Variants in MRPS25 observed in about 807,000 individuals in gnomAD.
MRPS25 encodes small ribosomal subunit protein mS25.
A neutral mutation model predicts 17.3 loss-of-function variants in MRPS25; 15 were observed. The ratio of observed to expected loss-of-function variants is 0.87; its 90% confidence interval spans 0.58 to 1.34. MRPS25 has a LOEUF of 1.34. MRPS25 is among the 40% of genes most tolerant of loss of function. The pLI is 0.00. For missense variants in MRPS25, 225 were observed against 218.6 expected, an observed-to-expected ratio of 1.03 and a Z score of -0.19; for synonymous variants, 94 against 83.3, an observed-to-expected ratio of 1.13 and a Z score of -0.70.
chr3:15,043,085 T>G, downstream of MRPS25: 2 of 1,407,084 alleles, frequency 1.4e-6, no homozygotes, highest in Non-Finnish European at 1.9e-6. Flanking sequence ...AGTGGTATTT[T>G]GGTATGTGCA....
intron 1 of MRPS25, among the ~76,000 whole-genome samples, chr3:15,064,431 T>C (rs1256049503): frequency 2.6e-5 from 4 of 152,094 alleles, no homozygotes; most frequent in African/African-American, 9.7e-5. Context: ...CTGACATAAT[T>C]AATCACTTCC....
At chr3:15,058,638 G>T (rs2042703494) in intron 2 of MRPS25, among the ~76,000 whole-genome samples, 1 of 152,186 alleles carries the variant, frequency 6.6e-6, no homozygotes, top group Non-Finnish European at 1.5e-5. Context: ...CATATTGGTG[G>T]AATGAATGAA....
chr3:15,058,337 C>T (rs1450880703), intron 2 of MRPS25, among the ~76,000 whole-genome samples: 1 of 152,146 alleles, frequency 6.6e-6, no homozygotes, highest in East Asian at 1.9e-4. Flanking sequence ...CTACAGGCGC[C>T]CACCACCACG....
Position 15,052,408 on chromosome 3 carries a change from C to A in MRPS25, c.*33G>T. On this transcript the variant is annotated 3_prime_UTR_variant, in exon 4 of 4. Coordinates refer to ENST00000253686, the MANE Select transcript of MRPS25 (RefSeq NM_022497.5). ...CATTCCAATCTCCCCACTGGTCAGA[C>A]ACCATCACCCCAGCCCACAGTGACC... is the stretch of plus-strand genomic sequence containing the variant. 1 of 1,594,802 alleles carries A rather than the reference C, an allele frequency of 6.3e-7. No individual in the cohort carries two copies. The highest frequency in any genetic ancestry group is 1.3e-5 in the African/African-American group (1 of 74,542).
At position 15,049,642 on chromosome 3, in the gene MRPS25, C is replaced by T; in HGVS notation, c.*2799G>A. 1.9e-6 allele frequency: 1 copy of T among 528,470 alleles called. No homozygotes were observed. The highest frequency in any genetic ancestry group is 2.6e-5 in the South Asian group (1 of 38,458). The allele number at this position is 528,470 out of a possible 1,614,324, so 32.7% of individuals were successfully genotyped here. A position where few individuals can be genotyped will look rare whatever the true frequency, so the allele number is the denominator to read the frequency against. On this transcript the variant is annotated 3_prime_UTR_variant, in exon 4 of 4. Coordinates refer to ENST00000253686, the MANE Select transcript of MRPS25 (RefSeq NM_022497.5). ...CAAGCTTATTCTCTAAGGATACGTG[C>T]TATCAAGGGCAAAAACAAGCTCCAA...
rs558168070 is a variant in MRPS25 at position 15,061,718 on chromosome 3, C to T, written c.135-2243G>A. Among the ~76,000 whole-genome samples the T allele has an allele frequency of 8.1e-4, 120 of 148,990 alleles. 3 individuals are homozygous for T. Among genetic ancestry groups the T allele is most frequent in the African/African-American group, 2.6e-3 (103 of 40,296 alleles). On this transcript the variant is annotated intron_variant, in intron 1 of 3. Coordinates refer to ENST00000253686, the MANE Select transcript of MRPS25 (RefSeq NM_022497.5). The stretch of plus-strand genomic sequence containing the variant: ...GGAGCCCCTCTGCCTGGCTGCCCAG[C>T]CTGGAAAGTGAGGAGCGTCTCTGCC...
rs1278771690 is a variant in MRPS25 at position 15,050,251 on chromosome 3, C to T, written c.*2190G>A. On this transcript the variant is annotated 3_prime_UTR_variant, in exon 4 of 4. Transcript: ENST00000253686. ...AACTGCACCACAGGACTGCTGCTGT[C>T]TCCACACGTCCTTTCAGGGTCTGGG... 1 of 1,138,702 alleles carries T rather than the reference C, an allele frequency of 8.8e-7. No homozygotes were observed. The highest frequency in any genetic ancestry group is 1.1e-6 in the Non-Finnish European group (1 of 926,536). The allele number at this position is 1,138,702 out of a possible 1,614,324, so 70.5% of individuals were successfully genotyped here.
In MRPS25 at chr3:15,049,078, A is replaced by G. The variant is rs1255852170; in HGVS notation, c.*3363T>C. The G allele has an allele frequency of 6.6e-6, 1 of 152,648 alleles. No individual in the cohort carries two copies. The highest frequency in any genetic ancestry group is 6.5e-5 in the Admixed American group (1 of 15,278). The allele number at this position is 152,648 out of a possible 1,614,324, so 9.5% of individuals were successfully genotyped here. On this transcript the variant is annotated 3_prime_UTR_variant, in exon 4 of 4. Transcript: ENST00000253686. Reference sequence around the variant, plus strand: ...TTTAAAAAATAGCATGTTCTTTTTAAACTGAATTTTATATCTAATCAATGT... The same window carrying G: ...TTTAAAAAATAGCATGTTCTTTTTAGACTGAATTTTATATCTAATCAATGT...
At position 15,050,626 on chromosome 3, in the gene MRPS25, T is replaced by C; in HGVS notation, c.*1815A>G. 4.1e-6 allele frequency: 4 copies of C among 985,344 alleles called. No individual in the cohort carries two copies. The highest frequency in any genetic ancestry group is 4.8e-6 in the Non-Finnish European group (4 of 829,934). The allele number at this position is 985,344 out of a possible 1,614,324, so 61.0% of individuals were successfully genotyped here. A position where few individuals can be genotyped will look rare whatever the true frequency, so the allele number is the denominator to read the frequency against. The stretch of plus-strand genomic sequence containing the variant: ...CTGAAACCAGCAGACATGGGAGGGC[T>C]CTCTGTGGAGGAGAGCTTTTTCCAC... On this transcript the variant is annotated 3_prime_UTR_variant, in exon 4 of 4. Transcript: ENST00000253686.
chr3:15,043,350 T>G (rs1056256310), downstream of MRPS25: 3 of 166,660 alleles, frequency 1.8e-5, no homozygotes, highest in Admixed American at 6.2e-5. Context: ...CCTGAGAGAA[T>G]AGTATGTGTG....
chr3:15,045,766 CTT>C (rs1164959004), downstream of MRPS25: 1 of 152,648 alleles, frequency 6.6e-6, no homozygotes, highest in Non-Finnish European at 1.5e-5. Flanking sequence ...GTTTGTGAAA[CTT>C]TGGGTTTCAT....
At position 15,051,986 on chromosome 3, in the gene MRPS25, G is replaced by A. The variant is rs959141742; in HGVS notation, c.*455C>T. The A allele has an allele frequency of 9.4e-5, 93 of 990,134 alleles. No homozygotes were observed. The highest frequency in any genetic ancestry group is 9.8e-5 in the Non-Finnish European group (82 of 833,222). The allele number at this position is 990,134 out of a possible 1,614,324, so 61.3% of individuals were successfully genotyped here. ...TACCCCCAAGGAACTGAACGGAGGG[G>A]TGTACACACTGCCAACCACAGACAG... On this transcript the variant is annotated 3_prime_UTR_variant, in exon 4 of 4. Coordinates refer to ENST00000253686, the MANE Select transcript of MRPS25 (RefSeq NM_022497.5).
chr3:15,055,901 GTT>G (rs35247740), intron 2 of MRPS25, among the ~76,000 whole-genome samples: 82 of 142,508 alleles, frequency 5.8e-4, no homozygotes, highest in African/African-American at 8.3e-4. Context: ...AAAGCAGCCC[GTT>G]TTTTTTTTTT....
chr3:15,049,826 C>T lies in MRPS25; in HGVS notation c.*2615G>A, dbSNP rs1396776279. ...CTGGAATGCAGTGGTACAGTCATGGCTCACTCCAGCCTCAACCTCCTGGGC... is the reference window on the plus strand; with the variant it reads ...CTGGAATGCAGTGGTACAGTCATGGTTCACTCCAGCCTCAACCTCCTGGGC... On this transcript the variant is annotated 3_prime_UTR_variant, in exon 4 of 4. Coordinates refer to ENST00000253686, the MANE Select transcript of MRPS25 (RefSeq NM_022497.5). 1 of 1,068,380 alleles carries T rather than the reference C, an allele frequency of 9.4e-7. No homozygotes were observed. The highest frequency in any genetic ancestry group is 1.4e-6 in the Non-Finnish European group (1 of 726,482). 66.2% of individuals were successfully genotyped at this position (1,068,380 alleles called of 1,614,324 possible).
chr3:15,061,625 G>GC (rs1328153561), intron 1 of MRPS25, among the ~76,000 whole-genome samples: 1 of 152,202 alleles, frequency 6.6e-6, no homozygotes, highest in Non-Finnish European at 1.5e-5. Flanking sequence ...TGCAGCCTCT[G>GC]CCCGGCCACC....
Position 15,057,128 on chromosome 3 carries a change from C to A in MRPS25, c.241+2241G>T, listed in dbSNP as rs113724173. Among the ~76,000 whole-genome samples the A allele has an allele frequency of 3.7e-3, 560 of 152,330 alleles. 3 individuals carry two copies. The highest frequency in any genetic ancestry group is 9.1e-3 in the Admixed American group (139 of 15,298). ...CAGGAGTTGCCGCTGAGCTGACAGC[C>A]CTGTGGAGTACTGCTGGGATCTGCG... On this transcript the variant is annotated intron_variant, in intron 2 of 3. Transcript: ENST00000253686.
At chr3:15,057,800 A>G (rs552138100) in intron 2 of MRPS25, among the ~76,000 whole-genome samples, 2 of 152,364 alleles carry the variant, frequency 1.3e-5, no homozygotes, top group South Asian at 4.1e-4. Context: ...AGTTGGTTTT[A>G]AAAACACAAG....
At chr3:15,055,264 G>T (rs542034955) in intron 2 of MRPS25, among the ~76,000 whole-genome samples, 1 of 152,248 alleles carries the variant, frequency 6.6e-6, no homozygotes, top group African/African-American at 2.4e-5. Context: ...TCAATATTGG[G>T]AATTATAACT....
At chr3:15,042,951 C>T (rs1000017575), downstream of MRPS25, 2 of 1,614,238 alleles carry the variant, frequency 1.2e-6, no homozygotes, top group Non-Finnish European at 1.7e-6. Flanking sequence ...TAATCCCCTA[C>T]ATCCTCAAGA....
Sources: gnomAD v4.1 joint callset for allele counts (sites outside exome capture counted in the v4.1 genomes callset) on GRCh38, gnomAD v4.1.1 for gene constraint, MANE v1.5 for transcripts, NCBI Gene and HGNC (gene_info 2026-07-23, HGNC 2026-07-21) for gene names.